The following UGT1A9 variants were observed in gnomAD, a reference collection of about 807,000 sequenced individuals.
UGT1A9 encodes UDP-glucuronosyltransferase 1A9.
Under a neutral mutation model 45.0 loss-of-function variants are expected in UGT1A9, and 35 were observed. The ratio of observed to expected loss-of-function variants is 0.78; its 90% CI spans 0.59 to 1.03. The LOEUF (loss-of-function observed/expected upper bound fraction) is 1.03. Ranked by LOEUF, UGT1A9 falls within the 50% of genes least tolerant of loss-of-function variation. The pLI is 0.00. For missense variants in UGT1A9, 687 were observed against 666.6 expected, an observed-to-expected ratio of 1.03 and a Z score of -0.34; for synonymous variants, 278 against 250.6, an observed-to-expected ratio of 1.11 and a Z score of -1.03.
Position 233,768,531 on chromosome 2 carries a change from G to A in UGT1A9, c.1295+92G>A, listed in dbSNP as rs868518109. ...AAACATTTACGTAGCATTTAATAGC[G>A]TTGTTTCAAATATAAAAACAAATAC... On this transcript the variant is annotated intron_variant, in intron 4 of 4. Transcript: ENST00000354728. 3.8e-5 allele frequency: 56 copies of A among 1,481,648 alleles called. No individual in the cohort carries two copies. In the East Asian group the frequency reaches 3.8e-4, roughly 10 times the overall value. 91.8% of individuals were successfully genotyped at this position (1,481,648 alleles called of 1,614,324 possible).
At chr2:233,724,244 G>A (rs2077194489) in intron 1 of UGT1A9, among the ~76,000 whole-genome samples, 1 of 128,296 alleles carries the variant, frequency 7.8e-6, no homozygotes, top group Non-Finnish European at 1.7e-5. Flanking sequence ...GCCGGGCAGA[G>A]GCGCCCCTCA....
chr2:233,679,840 A>G (rs1360077561), intron 1 of UGT1A9, among the ~76,000 whole-genome samples: 2 of 152,132 alleles, frequency 1.3e-5, no homozygotes, highest in Non-Finnish European at 2.9e-5. Context: ...ATTTTTCTCA[A>G]ATCACATTGG....
At chr2:233,746,129 C>T (rs191765409) in intron 1 of UGT1A9, among the ~76,000 whole-genome samples, 2 of 151,948 alleles carry the variant, frequency 1.3e-5, no homozygotes, top group East Asian at 3.9e-4. Flanking sequence ...AAACTGTGGA[C>T]TGGCACCTGA....
At chr2:233,684,375 A>G (rs1165542041) in intron 1 of UGT1A9, among the ~76,000 whole-genome samples, 5 of 152,172 alleles carry the variant, frequency 3.3e-5, no homozygotes, top group Non-Finnish European at 7.3e-5. Flanking sequence ...TTTACCCTCC[A>G]TCAATTACAG....
At chr2:233,708,804 C>G (rs1422792473) in intron 1 of UGT1A9, 1 of 151,436 alleles carries the variant, frequency 6.6e-6, no homozygotes, top group Non-Finnish European at 1.5e-5. Context: ...ATTTGGGCAA[C>G]TTCCCCAAAT....
intron 1 of UGT1A9, chr2:233,713,844 A>G: frequency 1.2e-6 from 2 of 1,614,060 alleles, no homozygotes; most frequent in Non-Finnish European, 1.7e-6. Context: ...TGCCAACGGG[A>G]AGCCACTATC....
At chr2:233,742,476 C>T (rs1691992737) in intron 1 of UGT1A9, among the ~76,000 whole-genome samples, 1 of 151,926 alleles carries the variant, frequency 6.6e-6, no homozygotes, top group Non-Finnish European at 1.5e-5. Flanking sequence ...AGTAAACTCA[C>T]AACCTTCAGC....
At chr2:233,710,464 G>A in intron 1 of UGT1A9, among the ~76,000 whole-genome samples, 1 of 152,194 alleles carries the variant, frequency 6.6e-6, no homozygotes. Context: ...ATCCTAATGG[G>A]TGTGTAGTAG....
chr2:233,768,895 A>G (rs962281870), intron 4 of UGT1A9, among the ~76,000 whole-genome samples: 6 of 152,074 alleles, frequency 3.9e-5, no homozygotes, highest in African/African-American at 1.4e-4. Context: ...GGATTTATAA[A>G]TAAGATAATT....
intron 1 of UGT1A9, among the ~76,000 whole-genome samples, chr2:233,711,736 A>T (rs2076194358): frequency 6.6e-6 from 1 of 152,220 alleles, no homozygotes; most frequent in Non-Finnish European, 1.5e-5. Context: ...GCAATGGCAG[A>T]CACGGCCAGG....
At position 233,699,574 on chromosome 2, in the gene UGT1A9, T is replaced by C. The variant is rs28898582; in HGVS notation, c.855+26785T>C. On this transcript the variant is annotated intron_variant, in intron 1 of 4. Transcript: ENST00000354728. ...CAGGTCATGGCCAGAGCTCTGGCTC[T>C]AGGACATCCTTTCTTCCCAGCCTGG... Among the ~76,000 whole-genome samples, 1,358 of 152,332 alleles carry C rather than the reference T, an allele frequency of 8.9e-3. 31 individuals carry two copies. Among genetic ancestry groups the C allele is most frequent in the African/African-American group, 0.03 (1,267 of 41,582 alleles).
chr2:233,740,991 G>A (rs1484591250), intron 1 of UGT1A9: 3 of 151,764 alleles, frequency 2.0e-5, no homozygotes, highest in African/African-American at 7.3e-5. Flanking sequence ...GAATGCTGAG[G>A]AGGAAGGATC....
chr2:233,690,761 AC>A (rs1559344505), intron 1 of UGT1A9: 32 of 731,228 alleles, frequency 4.4e-5, no homozygotes, highest in Middle Eastern at 5.8e-4. Context: ...GTGCAGACAT[AC>A]ACACACACAC....
intron 1 of UGT1A9, among the ~76,000 whole-genome samples, chr2:233,709,100 G>T (rs905561167): frequency 6.6e-6 from 1 of 152,072 alleles, no homozygotes; most frequent in African/African-American, 2.4e-5. Flanking sequence ...GAAGTCACAT[G>T]CCCATCTCTG....
chr2:233,693,250 T>C lies in UGT1A9; in HGVS notation c.855+20461T>C, dbSNP rs139492272. The C allele has an allele frequency of 2.5e-6, 4 of 1,614,198 alleles. No individual in the cohort carries two copies. The African/African-American group carries it at 4.0e-5, about 16-fold the overall frequency. On this transcript the variant is annotated intron_variant, in intron 1 of 4. Coordinates refer to ENST00000354728, the MANE Select transcript of UGT1A9 (RefSeq NM_021027.3). ...CAAGAAAAATCTATCCAGTGCCGTA[T>C]GACCAAGAAGAGCTGAAGAACCGTT...
At chr2:233,750,500 A>G (rs1694475449) in intron 1 of UGT1A9, 1 of 152,024 alleles carries the variant, frequency 6.6e-6, no homozygotes, top group South Asian at 2.1e-4. Flanking sequence ...AGGAGGAGCC[A>G]AATGTTAATT....
intron 1 of UGT1A9, among the ~76,000 whole-genome samples, chr2:233,746,704 G>A (rs1301844590): frequency 6.6e-6 from 1 of 151,714 alleles, no homozygotes; most frequent in African/African-American, 2.4e-5. Context: ...TAAATATTTG[G>A]TGGATAAGGG....
At chr2:233,679,895 A>G (rs2074465447) in intron 1 of UGT1A9, among the ~76,000 whole-genome samples, 1 of 152,160 alleles carries the variant, frequency 6.6e-6, no homozygotes, top group African/African-American at 2.4e-5. Flanking sequence ...CACCCACATT[A>G]AAGTTGCATT....
intron 1 of UGT1A9, chr2:233,717,870 G>A (rs909947409): frequency 5.9e-5 from 27 of 454,752 alleles, no homozygotes; most frequent in African/African-American, 4.4e-4. Flanking sequence ...GGATTGACTT[G>A]GAGAAAAGCC....
Sources: gnomAD v4.1 joint callset for allele counts (sites outside exome capture counted in the v4.1 genomes callset) on GRCh38, gnomAD v4.1.1 for gene constraint, MANE v1.5 for transcripts, NCBI Gene and HGNC (gene_info 2026-07-23, HGNC 2026-07-21) for gene names.